RIC1: variants seen among roughly 807,000 people sequenced by gnomAD.
RIC1 encodes the protein RIC1 partner of RAB6A GEF complex.
Under a neutral mutation model 169.0 loss-of-function variants are expected in RIC1, and 88 were observed. The observed-to-expected ratio is 0.52, with a 90% confidence interval of 0.44 to 0.62. RIC1 has a LOEUF of 0.62. Among genes scored for constraint, RIC1 ranks in the 20% least tolerant of loss-of-function variants. The probability of loss-of-function intolerance (pLI) is 0.00; values close to 1 mark genes in which losing one functional copy is unlikely to be tolerated. For missense variants in RIC1, 1,877 were observed against 1,725.5 expected (o/e 1.09, Z -1.56); for synonymous variants, 790 against 601.5 (o/e 1.31, Z -4.59).
chr9:5,630,646 T>A (rs1408710393), intron 1 of RIC1, among the ~76,000 whole-genome samples: 1 of 152,242 alleles, frequency 6.6e-6, no homozygotes, highest in East Asian at 1.9e-4. Context: ...TTTTGGCTGA[T>A]CTAATTTTCA....
chr9:5,659,959 G>A (rs1471510118), intron 2 of RIC1, among the ~76,000 whole-genome samples: 3 of 151,974 alleles, frequency 2.0e-5, no homozygotes, highest in Non-Finnish European at 2.9e-5. Flanking sequence ...ATTAAGCCCA[G>A]CATCCATTAG....
chr9:5,666,203 G>T (rs1160397196), intron 2 of RIC1, among the ~76,000 whole-genome samples: 5 of 152,222 alleles, frequency 3.3e-5, no homozygotes, highest in African/African-American at 1.2e-4. Context: ...GTCTGGCCAT[G>T]ATCTGGCAGT....
intron 1 of RIC1, among the ~76,000 whole-genome samples, chr9:5,644,706 T>G (rs929197447): frequency 6.6e-6 from 1 of 152,218 alleles, no homozygotes; most frequent in Non-Finnish European, 1.5e-5. Flanking sequence ...TTTTGAATGA[T>G]TGTGAGTAAT....
intron 17 of RIC1, among the ~76,000 whole-genome samples, chr9:5,760,347 G>C (rs537389602): frequency 1.3e-5 from 2 of 152,238 alleles, no homozygotes; most frequent in African/African-American, 4.8e-5. Flanking sequence ...CATCTTTAAC[G>C]TTATCAGAAA....
At chr9:5,708,239 G>C (rs1401768970) in intron 3 of RIC1, among the ~76,000 whole-genome samples, 1 of 151,906 alleles carries the variant, frequency 6.6e-6, no homozygotes, top group Non-Finnish European at 1.5e-5. Flanking sequence ...TATACATTGT[G>C]TAACTGTTAA....
At chr9:5,691,528 A>C (rs1821589205) in intron 3 of RIC1, among the ~76,000 whole-genome samples, 1 of 152,002 alleles carries the variant, frequency 6.6e-6, no homozygotes, top group Non-Finnish European at 1.5e-5. Flanking sequence ...ATTTAGTGCA[A>C]AAATTTTTGA....
intron 2 of RIC1, among the ~76,000 whole-genome samples, chr9:5,661,935 T>G (rs1819475876): frequency 6.6e-6 from 1 of 152,216 alleles, no homozygotes; most frequent in South Asian, 2.1e-4. Flanking sequence ...GCTTCCAGCT[T>G]TTGTCCATTC....
intron 1 of RIC1, among the ~76,000 whole-genome samples, chr9:5,633,770 T>C (rs1257094430): frequency 6.6e-6 from 1 of 152,174 alleles, no homozygotes; most frequent in Non-Finnish European, 1.5e-5. Context: ...AAATTTCAAG[T>C]ATACAATATA....
At position 5,763,379 on chromosome 9, in the gene RIC1, A is replaced by C; in HGVS notation, c.2352A>C (p.Glu784Asp). Residue 784 changes from glutamate to aspartate, a missense_variant, in exon 19 of 26, where the codon GAA becomes GAC. This residue lies in a region of RIC1 where 1,104 missense variants were observed against 992.0 expected (regional missense o/e 1.11). Coordinates refer to ENST00000414202, the MANE Select transcript of RIC1 (RefSeq NM_020829.4). This position sits in a 1 kb window ranked among gnomAD's most constrained non-coding sequence, Gnocchi z 5.2. ...INIYPLAVLF[E>D]DALVLGAVND... ...TTTACCCGCTAGCTGTTCTGTTTGA[A>C]GATGCTTTAGTCCTTGGTGCTGTCA... is the stretch of plus-strand genomic sequence containing the variant. The C allele has an allele frequency of 6.2e-7, 1 of 1,614,156 alleles. No individual in the cohort carries two copies. Among genetic ancestry groups the C allele is most frequent in the East Asian group, 2.2e-5 (1 of 44,878 alleles).
In RIC1 at chr9:5,654,456, C is replaced by T. The variant is rs112519556; in HGVS notation, c.145-2127C>T. ...TAGAGACGGGGTTTCACCATGTTGG[C>T]GGGCTGGTCTCGAACTCCTGACCTC... On this transcript the variant is annotated intron_variant, in intron 1 of 25. Transcript: ENST00000414202. Among the ~76,000 whole-genome samples the T allele has an allele frequency of 4.8e-3, 738 of 152,184 alleles. 7 individuals are homozygous for T. Among genetic ancestry groups the T allele is most frequent in the African/African-American group, 0.017 (698 of 41,512 alleles).
intron 6 of RIC1, among the ~76,000 whole-genome samples, chr9:5,731,355 T>A (rs545257943): frequency 1.9e-4 from 29 of 152,272 alleles, no homozygotes; most frequent in African/African-American, 6.5e-4. Context: ...TCCAGTTTTA[T>A]TATTAAAATT....
intron 2 of RIC1, among the ~76,000 whole-genome samples, chr9:5,679,876 T>C (rs1160929254): frequency 1.3e-5 from 2 of 152,058 alleles, no homozygotes; most frequent in South Asian, 2.1e-4. Context: ...TCCAACACTA[T>C]GTTGAATAGG....
chr9:5,632,084 C>A (rs910922279), intron 1 of RIC1, among the ~76,000 whole-genome samples: 2 of 152,142 alleles, frequency 1.3e-5, no homozygotes, highest in Non-Finnish European at 1.5e-5. Flanking sequence ...GAGTTGAAGT[C>A]TTACAGCTGC....
intron 12 of RIC1, among the ~76,000 whole-genome samples, chr9:5,750,212 T>G (rs1411140211): frequency 6.6e-6 from 1 of 151,934 alleles, no homozygotes; most frequent in Non-Finnish European, 1.5e-5. Flanking sequence ...ACAAAGTTTC[T>G]AGTTTTAGGC....
At chr9:5,739,367 A>C (rs890689131) in intron 8 of RIC1, among the ~76,000 whole-genome samples, 1 of 152,118 alleles carries the variant, frequency 6.6e-6, no homozygotes, top group African/African-American at 2.4e-5. Context: ...AGTGGGCCCA[A>C]ATCAATAAAT....
intron 6 of RIC1, among the ~76,000 whole-genome samples, chr9:5,721,572 C>T (rs964238714): frequency 1.3e-5 from 2 of 152,198 alleles, no homozygotes; most frequent in South Asian, 2.1e-4. Flanking sequence ...AAACGGCAAA[C>T]GGGCAGTTAT....
rs1822033605 is a variant in RIC1, at chr9:5,698,448, T to C, written c.332+8410T>C. Among the ~76,000 whole-genome samples, 4 of 152,236 alleles carry C rather than the reference T, an allele frequency of 2.6e-5. No homozygotes were observed. The South Asian group carries it at 8.3e-4, about 32-fold the overall frequency. ...TTTAAGGGCCACTCATTAACATGAA[T>C]GCCTTATCATTCATTGGAATAGAAA... is the stretch of plus-strand genomic sequence containing the variant. On this transcript the variant is annotated intron_variant, in intron 3 of 25. Transcript: ENST00000414202.
At chr9:5,694,708 CAG>C (rs912561010) in intron 3 of RIC1, among the ~76,000 whole-genome samples, 3 of 151,928 alleles carry the variant, frequency 2.0e-5, no homozygotes, top group African/African-American at 7.2e-5. Flanking sequence ...CTGCCCAAAT[CAG>C]AGAGCCCTGC....
At chr9:5,629,736 C>G (rs1193381160) in intron 1 of RIC1, among the ~76,000 whole-genome samples, 1 of 152,222 alleles carries the variant, frequency 6.6e-6, no homozygotes, top group East Asian at 1.9e-4. Flanking sequence ...CCGCACGCTC[C>G]CCGGCCGAGC....
Sources: allele counts gnomAD v4.1 joint callset (sites outside exome capture counted in the v4.1 genomes callset), GRCh38; gene constraint gnomAD v4.1.1; regional missense constraint gnomAD v4.1.1; non-coding constraint Gnocchi (gnomAD v3.1); transcripts MANE v1.5; gene names NCBI Gene and HGNC (gene_info 2026-07-23, HGNC 2026-07-21).